Variants in UNC80 observed in about 807,000 individuals in gnomAD.
UNC80 encodes unc-80 subunit of NALCN channel complex.
A neutral mutation model predicts 384.6 loss-of-function variants in UNC80; 164 were observed. That is an observed-to-expected ratio of 0.43 (90% CI 0.38 to 0.49). The LOEUF (loss-of-function observed/expected upper bound fraction) is 0.49, where lower values mean the gene tolerates loss of function less well. Among genes scored for constraint, UNC80 ranks in the 20% least tolerant of loss-of-function variants. The probability of loss-of-function intolerance (pLI) is 0.00; values close to 1 mark genes in which losing one functional copy is unlikely to be tolerated. For synonymous variants in UNC80, 1,486 were observed against 1,527.8 expected, an observed-to-expected ratio of 0.97 and a Z score of 0.64; for missense variants, 3,330 against 4,143.0, an observed-to-expected ratio of 0.80 and a Z score of 5.39.
At chr2:209,994,285 G>A (rs182780430) in intron 64 of UNC80, 21 bp downstream of exon 64, 41 of 1,537,136 alleles carry the variant, frequency 2.7e-5, no homozygotes, top group Non-Finnish European at 3.5e-5. Context: ...TAGAGAAACA[G>A]GCAAGGCTTG....
chr2:209,818,316 A>G (rs188199940), intron 11 of UNC80, among the ~76,000 whole-genome samples: 1 of 150,342 alleles, frequency 6.7e-6, no homozygotes, highest in Admixed American at 6.6e-5. Context: ...GAGGAAAGTC[A>G]CTGCCTTCCA....
chr2:209,961,581 G>A (rs1006893623), intron 51 of UNC80, among the ~76,000 whole-genome samples: 3 of 151,912 alleles, frequency 2.0e-5, no homozygotes, highest in African/African-American at 4.8e-5. Flanking sequence ...AGATTAGCAC[G>A]GGAAATCAAT....
intron 45 of UNC80, among the ~76,000 whole-genome samples, 152 bp downstream of exon 45, chr2:209,943,666 A>G (rs1033134740): frequency 1.3e-5 from 2 of 152,202 alleles, no homozygotes; most frequent in South Asian, 4.1e-4. Flanking sequence ...GAAAAACTGT[A>G]TAGTGAAAAA....
chr2:209,899,366 T>C (rs982104634), intron 28 of UNC80, among the ~76,000 whole-genome samples: 1 of 152,234 alleles, frequency 6.6e-6, no homozygotes, highest in Non-Finnish European at 1.5e-5. Context: ...TGTACCACTC[T>C]GAGGCAAGGT....
At chr2:209,773,226 C>CTA (rs2076682219) in intron 2 of UNC80, 84 bp downstream of exon 2, 1 of 1,169,196 alleles carries the variant, frequency 8.6e-7, no homozygotes, top group Non-Finnish European at 1.3e-6. Flanking sequence ...ATCAAACGGA[C>CTA]TATATATATT....
chr2:209,784,351 C>A (rs2077308491), intron 4 of UNC80, among the ~76,000 whole-genome samples: 2 of 152,198 alleles, frequency 1.3e-5, no homozygotes, highest in Admixed American at 6.5e-5. Context: ...CTACTTGAAA[C>A]CTTCAGTGGC....
In UNC80 at chr2:209,872,897, C is replaced by T; in HGVS notation, c.3767C>T (p.Ser1256Phe). The change falls in exon 23 of 65, where the codon TCT (serine) becomes TTT (phenylalanine). Residue 1256 changes from serine to phenylalanine, a missense_variant. By Grantham distance (155) the Ser-to-Phe change is radical. Around this residue, in one of 8 missense-constraint regions of UNC80, gnomAD observed 801 missense variants for 950.8 expected, o/e 0.84. Coordinates refer to ENST00000673920, the MANE Select transcript of UNC80 (RefSeq NM_001371986.1). The surrounding 1 kb of genome is among the most constrained non-coding windows in gnomAD (Gnocchi z 4.1). ...ITKKGLSRGRSPIVGNKRNQK... is the reference protein window; with the variant it reads ...ITKKGLSRGRFPIVGNKRNQK... ...AAGAAAGGACTTTCCCGGGGACGCT[C>T]TCCCATTGTGGGCAACAAGCGAAAC... 6.4e-7 allele frequency: 1 copy of T among 1,551,602 alleles called. No individual in the cohort carries two copies. The highest frequency in any genetic ancestry group is 8.7e-7 in the Non-Finnish European group (1 of 1,146,922).
At chr2:209,948,363 A>G (rs1321818007) in intron 47 of UNC80, among the ~76,000 whole-genome samples, 1 of 151,912 alleles carries the variant, frequency 6.6e-6, no homozygotes, top group Non-Finnish European at 1.5e-5. Flanking sequence ...TATTTTAGCT[A>G]TTTTGTTGGG....
chr2:209,929,500 T>C (rs945576613), intron 36 of UNC80, among the ~76,000 whole-genome samples: 1 of 152,226 alleles, frequency 6.6e-6, no homozygotes, highest in Non-Finnish European at 1.5e-5. Context: ...AAAATCCAAA[T>C]AGTCTTTCAT....
chr2:209,786,827 A>T (rs2077456338), intron 5 of UNC80, among the ~76,000 whole-genome samples: 1 of 151,916 alleles, frequency 6.6e-6, no homozygotes. Flanking sequence ...ATGCCACCTT[A>T]TAGGGCTTTT....
At chr2:209,875,970 T>C (rs2084748051) in intron 23 of UNC80, among the ~76,000 whole-genome samples, 1 of 152,176 alleles carries the variant, frequency 6.6e-6, no homozygotes, top group South Asian at 2.1e-4. Flanking sequence ...AATGCATCCA[T>C]CATCCGAGTA....
intron 56 of UNC80, among the ~76,000 whole-genome samples, chr2:209,973,760 G>T (rs901726935): frequency 6.6e-6 from 1 of 152,158 alleles, no homozygotes; most frequent in African/African-American, 2.4e-5. Context: ...TATATAAATG[G>T]AGTTCTGTAT....
intron 39 of UNC80, among the ~76,000 whole-genome samples, 178 bp from the exon 40 acceptor site, chr2:209,935,536 G>C (rs1274362486): frequency 2.0e-5 from 3 of 151,692 alleles, no homozygotes; most frequent in Non-Finnish European, 4.4e-5. Flanking sequence ...TAAAATATAT[G>C]TATATTAATC....
intron 22 of UNC80, among the ~76,000 whole-genome samples, chr2:209,868,932 A>G (rs574394164): frequency 6.6e-6 from 1 of 152,328 alleles, no homozygotes; most frequent in East Asian, 1.9e-4. Context: ...CTGTGACATT[A>G]TGGAGCATAA....
chr2:209,826,304 A>G (rs2109853), intron 14 of UNC80, among the ~76,000 whole-genome samples: 133,665 of 152,218 alleles, frequency 0.88, 59,223 homozygotes, highest in Non-Finnish European at 0.94. Context: ...ATTAGTGAAA[A>G]TATATATAAT....
chr2:209,831,412 A>G (rs1387544341), intron 15 of UNC80, 31 bp from the exon 16 acceptor site: 2 of 1,531,654 alleles, frequency 1.3e-6, no homozygotes, highest in Non-Finnish European at 8.8e-7. Context: ...TAAAGGAAAC[A>G]TTGTCTTTAA....
chr2:209,771,920 G>T lies in UNC80; in HGVS notation c.-153G>T, dbSNP rs572646178. 30 of 638,422 alleles carry T rather than the reference G, an allele frequency of 4.7e-5. No homozygotes were observed. The African/African-American group carries it at 5.2e-4, about 11-fold the overall frequency. 39.5% of individuals were successfully genotyped at this position (638,422 alleles called of 1,614,324 possible). A position where few individuals can be genotyped will look rare whatever the true frequency, so the allele number is the denominator to read the frequency against. On this transcript the variant is annotated 5_prime_UTR_variant, in exon 1 of 65. Transcript: ENST00000673920. ...TTCCACGCGCGGGGAGGGGTGGGGG[G>T]AGGGGAGAGGCACGGGGGATCAGGG... is the stretch of plus-strand genomic sequence containing the variant.
At chr2:209,888,002 T>G in intron 25 of UNC80, 93 bp from the exon 26 acceptor site, 1 of 1,233,864 alleles carries the variant, frequency 8.1e-7, no homozygotes. Context: ...TAAACGCAGT[T>G]GTGTATAATT....
chr2:209,792,509 A>G (rs1374429807), intron 6 of UNC80, among the ~76,000 whole-genome samples: 1 of 151,856 alleles, frequency 6.6e-6, no homozygotes, highest in African/African-American at 2.4e-5. Flanking sequence ...CACCGCGCCC[A>G]GCTAATTTTT....
Sources: gnomAD v4.1 joint callset for allele counts (sites outside exome capture counted in the v4.1 genomes callset) on GRCh38, gnomAD v4.1.1 for gene constraint, gnomAD v4.1.1 regional missense constraint, Gnocchi (gnomAD v3.1) non-coding constraint, MANE v1.5 for transcripts, NCBI Gene and HGNC (gene_info 2026-07-23, HGNC 2026-07-21) for gene names.